Variants in SOBP observed in about 807,000 individuals in gnomAD.
SOBP encodes sine oculis-binding protein homolog.
SOBP carries 4 observed loss-of-function variants against 53.6 expected under a neutral mutation model. The observed-to-expected ratio is 0.07, with a 90% CI of 0.04 to 0.17. The LOEUF (loss-of-function observed/expected upper bound fraction) is 0.17, where lower values mean the gene tolerates loss of function less well. Ranked by LOEUF, SOBP falls within the 10% of genes least tolerant of loss-of-function variation. SOBP has a pLI of 1.00. For missense variants in SOBP, 1,088 were observed against 1,204.7 expected, an observed-to-expected ratio of 0.90 and a Z score of 1.43; for synonymous variants, 584 against 522.6, an observed-to-expected ratio of 1.12 and a Z score of -1.60.
At chr6:107,603,351 C>T (rs1786255132) in intron 5 of SOBP, among the ~76,000 whole-genome samples, 1 of 152,218 alleles carries the variant, frequency 6.6e-6, no homozygotes, top group Non-Finnish European at 1.5e-5. Flanking sequence ...TTTCCTGGCA[C>T]TCCTGGCCTG....
chr6:107,568,818 A>T (rs981659666), intron 4 of SOBP, among the ~76,000 whole-genome samples: 1 of 152,312 alleles, frequency 6.6e-6, no homozygotes, highest in Middle Eastern at 3.4e-3. Flanking sequence ...AAACAAGAAG[A>T]TGTTATCACT....
At chr6:107,651,957 A>G (rs1771819280) in intron 6 of SOBP, among the ~76,000 whole-genome samples, 1 of 152,242 alleles carries the variant, frequency 6.6e-6, no homozygotes, top group Non-Finnish European at 1.5e-5. Flanking sequence ...CCCACTGCTC[A>G]GGAAAAAATA....
chr6:107,527,906 T>C (rs1783711145), intron 3 of SOBP, among the ~76,000 whole-genome samples: 1 of 152,214 alleles, frequency 6.6e-6, no homozygotes, highest in Non-Finnish European at 1.5e-5. Flanking sequence ...TATTCATACT[T>C]AAAAGGCACT....
chr6:107,504,975 G>A (rs1214164936), intron 2 of SOBP, among the ~76,000 whole-genome samples: 2 of 152,178 alleles, frequency 1.3e-5, no homozygotes, highest in East Asian at 1.9e-4. Flanking sequence ...CTACTAGAAC[G>A]AAAAAGTTGT....
At chr6:107,512,639 A>T (rs1783203546) in intron 3 of SOBP, among the ~76,000 whole-genome samples, 1 of 152,244 alleles carries the variant, frequency 6.6e-6, no homozygotes, top group South Asian at 2.1e-4. Context: ...TGGTCAAAGT[A>T]GCCAGGGTAG....
intron 5 of SOBP, among the ~76,000 whole-genome samples, chr6:107,606,608 A>C (rs1315320669): frequency 2.0e-5 from 3 of 152,098 alleles, no homozygotes; most frequent in African/African-American, 4.8e-5. Flanking sequence ...CTAAATCCCA[A>C]ACTGCCTTTG....
intron 4 of SOBP, among the ~76,000 whole-genome samples, chr6:107,574,382 G>A (rs902536341): frequency 1.5e-4 from 23 of 152,130 alleles, no homozygotes; most frequent in Admixed American, 7.2e-4. Flanking sequence ...CATAGGAAGA[G>A]GTTTATGAAT....
intron 5 of SOBP, among the ~76,000 whole-genome samples, chr6:107,620,523 C>T (rs1451036730): frequency 2.6e-5 from 4 of 152,232 alleles, no homozygotes; most frequent in Non-Finnish European, 4.4e-5. Flanking sequence ...GCCAATGAGA[C>T]AGCAGGGCCA....
intron 4 of SOBP, among the ~76,000 whole-genome samples, chr6:107,585,960 C>A (rs545232316): frequency 2.8e-4 from 43 of 152,160 alleles, no homozygotes; most frequent in Non-Finnish European, 4.4e-4. Context: ...TTTTCTCCCC[C>A]CTCAATCCAT....
At chr6:107,600,661 T>C (rs913343974) in intron 5 of SOBP, among the ~76,000 whole-genome samples, 2 of 152,220 alleles carry the variant, frequency 1.3e-5, no homozygotes, top group African/African-American at 4.8e-5. Context: ...GGCCTTGGAA[T>C]CAGTTCTCCT....
intron 5 of SOBP, among the ~76,000 whole-genome samples, chr6:107,612,537 C>T (rs2115103810): frequency 6.6e-6 from 1 of 152,204 alleles, no homozygotes; most frequent in Admixed American, 6.5e-5. Context: ...CCCATTCAGG[C>T]CTACTGAACC....
intron 3 of SOBP, among the ~76,000 whole-genome samples, chr6:107,530,911 T>G (rs933965782): frequency 3.3e-5 from 5 of 152,254 alleles, no homozygotes; most frequent in Non-Finnish European, 5.9e-5. Flanking sequence ...GTTCGTTTAT[T>G]TGTTAGGTCC....
intron 6 of SOBP, among the ~76,000 whole-genome samples, chr6:107,637,918 T>C (rs1771120217): frequency 6.6e-6 from 1 of 152,256 alleles, no homozygotes; most frequent in Non-Finnish European, 1.5e-5. Context: ...TCAGAAGATG[T>C]GGTGATGAAA....
intron 5 of SOBP, among the ~76,000 whole-genome samples, chr6:107,617,835 T>C (rs1342099468): frequency 6.8e-6 from 1 of 147,180 alleles, no homozygotes; most frequent in Non-Finnish European, 1.5e-5. Flanking sequence ...TTTTTTTTTT[T>C]TTTTTTTTTT....
At chr6:107,573,683 T>G (rs1050854990) in intron 4 of SOBP, among the ~76,000 whole-genome samples, 2 of 152,242 alleles carry the variant, frequency 1.3e-5, no homozygotes, top group Non-Finnish European at 2.9e-5. Context: ...AAGAATTTGC[T>G]CTCACTTTTT....
At chr6:107,583,340 A>C (rs72945634) in intron 4 of SOBP, among the ~76,000 whole-genome samples, 1 of 152,296 alleles carries the variant, frequency 6.6e-6, no homozygotes, top group Non-Finnish European at 1.5e-5. Context: ...CCAAGGTTGC[A>C]ACCATGTTGA....
chr6:107,617,055 G>A (rs1194773377), intron 5 of SOBP, among the ~76,000 whole-genome samples: 1 of 152,208 alleles, frequency 6.6e-6, no homozygotes, highest in East Asian at 1.9e-4. Flanking sequence ...AGGAGGCAGG[G>A]AAGGCTTCAG....
At chr6:107,508,222 T>G (rs1269581471) in intron 3 of SOBP, among the ~76,000 whole-genome samples, 1 of 152,228 alleles carries the variant, frequency 6.6e-6, no homozygotes. Flanking sequence ...CACTGTATTC[T>G]AAGTGTTACT....
At chr6:107,511,241 C>G (rs973701953) in intron 3 of SOBP, 20 of 152,054 alleles carry the variant, frequency 1.3e-4, no homozygotes, top group African/African-American at 4.8e-4. Flanking sequence ...ACAAAATTTC[C>G]CTAGATTGTA....
Sources: allele counts gnomAD v4.1 joint callset (sites outside exome capture counted in the v4.1 genomes callset), GRCh38; gene constraint gnomAD v4.1.1; transcripts MANE v1.5; gene names NCBI Gene and HGNC (gene_info 2026-07-23, HGNC 2026-07-21).